Variants in ANAPC2 observed in about 807,000 individuals in gnomAD.
ANAPC2 encodes anaphase-promoting complex subunit 2.
Under a neutral mutation model 84.3 loss-of-function variants are expected in ANAPC2, and 29 were observed. The ratio of observed to expected loss-of-function variants is 0.34; its 90% CI spans 0.26 to 0.47. ANAPC2 has a LOEUF of 0.47. Ranked by LOEUF, ANAPC2 falls within the 20% of genes least tolerant of loss-of-function variation. The probability of loss-of-function intolerance (pLI) is 1.00; values close to 1 mark genes in which losing one functional copy is unlikely to be tolerated. For missense variants in ANAPC2, 857 were observed against 1,131.7 expected (o/e 0.76, Z 3.48); for synonymous variants, 571 against 479.4 (o/e 1.19, Z -2.50).
Position 137,187,697 on chromosome 9 carries a change from C to T in ANAPC2, c.524G>A (p.Arg175His), listed in dbSNP as rs373208905. ...GACTCTCAAGAAGCACCCATACAGA[C>T]GCTGGATCATCTCTTGGAAGGTTCT... ...TPRTFQEMIQ[R>H]LYGCFLRVYM... Residue 175 changes from arginine (R) to histidine (H), a missense_variant, in exon 2 of 13, where the codon CGT (arginine) becomes CAT (histidine). Physicochemically the swap from Arg to His is conservative, Grantham distance 29. Around this residue, in one of 3 missense-constraint regions of ANAPC2, gnomAD observed 428 missense variants for 513.8 expected, o/e 0.83. Coordinates refer to ENST00000323927, the MANE Select transcript of ANAPC2 (RefSeq NM_013366.4). 1 of 1,614,028 alleles carries T rather than the reference C, an allele frequency of 6.2e-7. No individual in the cohort carries two copies. The highest frequency in any genetic ancestry group is 8.5e-7 in the Non-Finnish European group (1 of 1,180,028).
intron 2 of ANAPC2, 103 bp from the exon 3 acceptor site, chr9:137,186,459 C>CAA: frequency 1.2e-6 from 1 of 833,018 alleles, no homozygotes; most frequent in Non-Finnish European, 1.7e-6. Context: ...GTGCATGCAG[C>CAA]ACACACACAC....
intron 10 of ANAPC2, among the ~76,000 whole-genome samples, chr9:137,179,649 C>T (rs977208632): frequency 2.6e-5 from 4 of 152,244 alleles, no homozygotes; most frequent in African/African-American, 4.8e-5. Context: ...CCCATAGCCC[C>T]GGTCCTCAAG....
intron 10 of ANAPC2, chr9:137,176,150 C>CTGAGGTGTGGAAATGTGG (rs1834206685): frequency 4.6e-6 from 1 of 219,542 alleles, no homozygotes; most frequent in African/African-American, 3.8e-5. Flanking sequence ...TGCATCCTAA[C>CTGAGGTGTGGAAATGTGG]CCAACTGACT....
At position 137,187,580 on chromosome 9, in the gene ANAPC2, C is replaced by T. The variant is rs751034630; in HGVS notation, c.641G>A (p.Arg214Gln). The change falls in exon 2 of 13, where the codon CGG becomes CAG. Residue 214 changes from arginine (R) to glutamine (Q), a missense_variant. Transcript: ENST00000323927. ...TGCACACAGCGGGCTCTGCAGGAGC[C>T]GGTAGTACCGGCGACGGGCATACCG... is the stretch of plus-strand genomic sequence containing the variant. The part of the protein sequence containing the change: ...DSRYARRRYY[R>Q]LLQSPLCAGC... The T allele has an allele frequency of 6.2e-7, 1 of 1,613,946 alleles. No individual in the cohort carries two copies. Among genetic ancestry groups the T allele is most frequent in the Non-Finnish European group, 8.5e-7 (1 of 1,180,036 alleles).
chr9:137,188,203 G>A, intron 1 of ANAPC2, 100 bp from the exon 2 acceptor site: 1 of 1,460,176 alleles, frequency 6.8e-7, no homozygotes, highest in Non-Finnish European at 9.2e-7. Flanking sequence ...AAACTCCGCT[G>A]CCCCCTGTCC....
At chr9:137,181,887 C>T (rs1335971775) in intron 6 of ANAPC2, 25 bp from the exon 7 acceptor site, 4 of 1,589,404 alleles carry the variant, frequency 2.5e-6, no homozygotes, top group Admixed American at 1.7e-5. Context: ...GCTGCTGTGG[C>T]CCACAGTGTG....
intron 10 of ANAPC2, among the ~76,000 whole-genome samples, chr9:137,177,453 T>G (rs537095257): frequency 6.6e-6 from 1 of 151,922 alleles, no homozygotes; most frequent in Non-Finnish European, 1.5e-5. Flanking sequence ...GCCTCACCTG[T>G]ACCTTGTTTA....
At position 137,181,858 on chromosome 9, in the gene ANAPC2, G is replaced by T. The variant is rs1219147803; in HGVS notation, c.1291C>A (p.Arg431=). Residue 431 remains arginine, a synonymous_variant, in exon 7 of 13, where the codon CGG becomes AGG. Transcript: ENST00000323927. ...ACAATCTGCCGCACTGTGTCCTCCCGCGTCCTGCCGATGTGAGTGCTGCTG... is the reference window on the plus strand; with the variant it reads ...ACAATCTGCCGCACTGTGTCCTCCCTCGTCCTGCCGATGTGAGTGCTGCTG... ...CEPIRRYLRT[R]EDTVRQIVAG... 1.9e-6 allele frequency: 3 copies of T among 1,602,232 alleles called. No individual in the cohort carries two copies. Among genetic ancestry groups the T allele is most frequent in the African/African-American group, 1.3e-5 (1 of 74,846 alleles).
chr9:137,180,061 A>T, intron 10 of ANAPC2, 120 bp downstream of exon 10: 1 of 1,164,554 alleles, frequency 8.6e-7, no homozygotes, highest in Non-Finnish European at 1.2e-6. Context: ...GCTGCGAGAC[A>T]GGACCAACCC....
rs1273152908 is a variant in ANAPC2, at chr9:137,184,987, C to T, written c.974G>A (p.Arg325His). The change falls in exon 4 of 13, where the codon CGC becomes CAC. Residue 325 changes from arginine (R) to histidine (H), a missense_variant. Around this residue, in one of 3 missense-constraint regions of ANAPC2, gnomAD observed 428 missense variants for 513.8 expected, o/e 0.83. Coordinates refer to ENST00000323927, the MANE Select transcript of ANAPC2 (RefSeq NM_013366.4). Reference sequence around the variant, plus strand: ...GTAGAAGAACCTTTGCACGTGGCAGCGCCAGCGGCGCAGGGTGTTGCCGGC... The same window carrying T: ...GTAGAAGAACCTTTGCACGTGGCAGTGCCAGCGGCGCAGGGTGTTGCCGGC... ...PEAGNTLRRW[R>H]CHVQRFFYRI... is the part of the protein sequence containing the mutation. 1.9e-6 allele frequency: 3 copies of T among 1,610,812 alleles called. No individual in the cohort carries two copies. The highest frequency in any genetic ancestry group is 1.7e-5 in the Admixed American group (1 of 59,622).
At position 137,181,685 on chromosome 9, in the gene ANAPC2, A is replaced by T. The variant is rs1212498171; in HGVS notation, c.1464T>A (p.Asp488Glu). Residue 488 changes from aspartate (D) to glutamate (E), a missense_variant, in exon 7 of 13, where the codon GAT becomes GAA. Physicochemically the swap from Asp to Glu is conservative, Grantham distance 45. This residue lies in a region of ANAPC2 where 425 missense variants were observed against 595.5 expected (regional missense o/e 0.71). Coordinates refer to ENST00000323927, the MANE Select transcript of ANAPC2 (RefSeq NM_013366.4). Reference sequence around the variant, plus strand: ...GACCATGTGGGGCAAGCTAACCTGGATCGGCATCCACAGGGTCCGGGACCC... The same window carrying T: ...GACCATGTGGGGCAAGCTAACCTGGTTCGGCATCCACAGGGTCCGGGACCC... ...EDWVPDPVDA[D>E]PGKSSSKRRS... 5.6e-6 allele frequency: 9 copies of T among 1,596,422 alleles called. No homozygotes were observed. The highest frequency in any genetic ancestry group is 1.3e-5 in the African/African-American group (1 of 74,478).
intron 10 of ANAPC2, among the ~76,000 whole-genome samples, chr9:137,179,894 C>G (rs1479765632): frequency 6.6e-6 from 1 of 152,268 alleles, no homozygotes; most frequent in Non-Finnish European, 1.5e-5. Context: ...GCTGTGGCCA[C>G]AGGGGTCCCC....
Position 137,176,079 on chromosome 9 carries a change from C to T in ANAPC2, c.1891-242G>A, listed in dbSNP as rs529552631. 2.7e-5 allele frequency: 12 copies of T among 447,366 alleles called. No homozygotes were observed. The South Asian group carries it at 3.2e-4, about 12-fold the overall frequency. The allele number at this position is 447,366 out of a possible 1,614,324, so 27.7% of individuals were successfully genotyped here. On this transcript the variant is annotated intron_variant, in intron 10 of 12. Coordinates refer to ENST00000323927, the MANE Select transcript of ANAPC2 (RefSeq NM_013366.4). ...CGAAAAGGCTACAGGGGCCTCCTGA[C>T]CCCCAGTGCTTGGAAATGTGGCCAT... is the stretch of plus-strand genomic sequence containing the variant.
chr9:137,185,449 G>T (rs937232322), intron 3 of ANAPC2, among the ~76,000 whole-genome samples: 2 of 152,160 alleles, frequency 1.3e-5, no homozygotes, highest in Non-Finnish European at 2.9e-5. Flanking sequence ...CCAGCCGGGG[G>T]GCCCAGGCGA....
In ANAPC2 at chr9:137,174,875, T is replaced by C; in HGVS notation, c.*67A>G. On this transcript the variant is annotated 3_prime_UTR_variant, in exon 13 of 13. Coordinates refer to ENST00000323927, the MANE Select transcript of ANAPC2 (RefSeq NM_013366.4). This position sits in a 1 kb window ranked among gnomAD's most constrained non-coding sequence, Gnocchi z 6.1. ...TTCTGGGACACGGGCGGGCGGGGGCTGGCACGGGAGGACGAGAGCACCTGC... is the reference window on the plus strand; with the variant it reads ...TTCTGGGACACGGGCGGGCGGGGGCCGGCACGGGAGGACGAGAGCACCTGC... 7.3e-7 allele frequency: 1 copy of C among 1,360,844 alleles called. No homozygotes were observed. The highest frequency in any genetic ancestry group is 9.5e-7 in the Non-Finnish European group (1 of 1,049,846). 84.3% of individuals were successfully genotyped at this position (1,360,844 alleles called of 1,614,324 possible).
intron 1 of ANAPC2, 29 bp from the exon 2 acceptor site, chr9:137,188,132 G>A (rs1185149501): frequency 1.9e-5 from 30 of 1,599,800 alleles, no homozygotes; most frequent in Non-Finnish European, 2.3e-5. Context: ...TGAGGCGAGG[G>A]GAACACAACA....
intron 11 of ANAPC2, 78 bp downstream of exon 11, chr9:137,175,630 C>T (rs1419765421): frequency 1.3e-6 from 2 of 1,540,534 alleles, no homozygotes; most frequent in Admixed American, 3.7e-5. Context: ...CCAAACCACA[C>T]CCTCACTGGG....
At position 137,183,214 on chromosome 9, in the gene ANAPC2, G is replaced by C. The variant is rs748319173; in HGVS notation, c.1197C>G (p.Leu399=). 1 of 1,613,204 alleles carries C rather than the reference G, an allele frequency of 6.2e-7. No individual in the cohort carries two copies. The highest frequency in any genetic ancestry group is 8.5e-7 in the Non-Finnish European group (1 of 1,179,944). Residue 399 remains leucine (L), a synonymous_variant, in exon 6 of 13, where the codon CTC becomes CTG. Coordinates refer to ENST00000323927, the MANE Select transcript of ANAPC2 (RefSeq NM_013366.4). ...PGVNTCDIIT[L]YISAIKALRV... is the part of the protein sequence containing the mutation. ...GCAGCGCCTTGATGGCAGAGATATAGAGGGTGATGATGTCACACGTGTTGA... is the reference window on the plus strand; with the variant it reads ...GCAGCGCCTTGATGGCAGAGATATACAGGGTGATGATGTCACACGTGTTGA...
rs1834328762 is a variant in ANAPC2, at chr9:137,180,902, G to A, written c.1496C>T (p.Ser499Leu). Residue 499 changes from serine (S) to leucine (L), a missense_variant, in exon 8 of 13, where the codon TCG (serine) becomes TTG (leucine). By Grantham distance (145) the Ser-to-Leu change is moderately radical. Transcript: ENST00000323927. ...PGKSSSKRRS[S>L]DIISLLVSIY... ...GCTGACCAGCAGGCTGATGATGTCC[G>A]ATGAACGCCGCTTGGAGCTCGACTT... 1.1e-5 allele frequency: 18 copies of A among 1,613,304 alleles called. No homozygotes were observed. Among genetic ancestry groups the A allele is most frequent in the Non-Finnish European group, 1.4e-5 (17 of 1,179,934 alleles).
Sources: allele counts gnomAD v4.1 joint callset (sites outside exome capture counted in the v4.1 genomes callset), GRCh38; gene constraint gnomAD v4.1.1; regional missense constraint gnomAD v4.1.1; non-coding constraint Gnocchi (gnomAD v3.1); transcripts MANE v1.5; gene names NCBI Gene and HGNC (gene_info 2026-07-23, HGNC 2026-07-21).